Variants in PZP observed in about 807,000 individuals in gnomAD.
PZP encodes the protein pregnancy zone protein.
In PZP, 150 loss-of-function variants were observed where a neutral mutation model predicts 179.8. That is an observed-to-expected ratio of 0.83 (90% CI 0.73 to 0.96). The LOEUF (loss-of-function observed/expected upper bound fraction) is 0.96. PZP is among the 40% of genes least tolerant of loss of function. The pLI is 0.00. For missense variants in PZP, 1,689 were observed against 1,764.0 expected (o/e 0.96, Z 0.76); for synonymous variants, 624 against 652.3 (o/e 0.96, Z 0.66).
At chr12:9,146,821 G>C (rs1224669425), downstream of PZP, among the ~76,000 whole-genome samples, 9 of 152,198 alleles carry the variant, frequency 5.9e-5, no homozygotes, top group African/African-American at 1.9e-4. Flanking sequence ...CAGGCAGCCA[G>C]TCTGTGCTGG....
chr12:9,165,057 C>A, intron 19 of PZP, 82 bp downstream of exon 19: 1 of 1,489,636 alleles, frequency 6.7e-7, no homozygotes, highest in Non-Finnish European at 9.3e-7. Context: ...TATCCTTAGT[C>A]TCAGGAACAG....
At chr12:9,189,924 A>G (rs11049348) in intron 13 of PZP, among the ~76,000 whole-genome samples, 43,510 of 152,104 alleles carry the variant, frequency 0.29, 6,399 homozygotes, top group East Asian at 0.4. Context: ...GAGAAATGCA[A>G]CTCAAAACCA....
intron 15 of PZP, among the ~76,000 whole-genome samples, chr12:9,175,350 A>G (rs901979693): frequency 2.6e-5 from 4 of 152,236 alleles, no homozygotes; most frequent in African/African-American, 4.8e-5. Context: ...ACCCAAAACT[A>G]TAAAGACCCT....
chr12:9,198,015 T>C (rs1943934127), intron 7 of PZP, among the ~76,000 whole-genome samples: 1 of 131,888 alleles, frequency 7.6e-6, no homozygotes, highest in African/African-American at 2.8e-5. Context: ...GAGAATGTGG[T>C]GGTACAGTGC....
At chr12:9,203,337 CTTTTTTTTTT>C (rs528084441) in intron 2 of PZP, among the ~76,000 whole-genome samples, 2 of 114,588 alleles carry the variant, frequency 1.7e-5, no homozygotes, top group South Asian at 2.9e-4. Flanking sequence ...AACTACATTC[CTTTTTTTTTT>C]TTTTTTTTTT....
At chr12:9,173,621 A>G (rs1942152939) in intron 15 of PZP, among the ~76,000 whole-genome samples, 1 of 152,174 alleles carries the variant, frequency 6.6e-6, no homozygotes, top group Admixed American at 6.5e-5. Context: ...AATCAAGTAG[A>G]CACAATCAGA....
intron 13 of PZP, among the ~76,000 whole-genome samples, chr12:9,191,005 T>G (rs969860450): frequency 4.6e-5 from 7 of 152,136 alleles, no homozygotes; most frequent in African/African-American, 1.7e-4. Flanking sequence ...TTAAAATTGT[T>G]TTATGATGAA....
intron 1 of PZP, among the ~76,000 whole-genome samples, chr12:9,204,317 A>G (rs1056620657): frequency 3.3e-5 from 5 of 152,208 alleles, no homozygotes; most frequent in African/African-American, 1.2e-4. Flanking sequence ...ACACAAACAC[A>G]CACACATATA....
At chr12:9,151,357 T>C (rs1486044341) in intron 33 of PZP, among the ~76,000 whole-genome samples, 1 of 152,240 alleles carries the variant, frequency 6.6e-6, no homozygotes, top group African/African-American at 2.4e-5. Context: ...TACACCTTTT[T>C]TCTATTGATT....
At chr12:9,192,813 G>GT in intron 11 of PZP, 74 bp from the exon 12 acceptor site, 1 of 974,604 alleles carries the variant, frequency 1.0e-6, no homozygotes, top group Non-Finnish European at 1.6e-6. Context: ...AAAATGAATA[G>GT]TTACAACGGT....
chr12:9,185,531 G>A (rs1482576530), intron 13 of PZP, among the ~76,000 whole-genome samples: 4 of 152,084 alleles, frequency 2.6e-5, no homozygotes, highest in Non-Finnish European at 4.4e-5. Flanking sequence ...TCATCCATGA[G>A]AACTTCCCCT....
In PZP at chr12:9,158,509, T is replaced by C; in HGVS notation, c.3205A>G (p.Ile1069Val). The C allele has an allele frequency of 1.2e-6, 2 of 1,614,152 alleles. No homozygotes were observed. The highest frequency in any genetic ancestry group is 1.7e-6 in the Non-Finnish European group (2 of 1,180,020). The change falls in exon 26 of 36, where the codon ATT (isoleucine) becomes GTT (valine). Residue 1069 changes from isoleucine to valine, a missense_variant. This residue lies in a region of PZP where 746 missense variants were observed against 749.2 expected (regional missense o/e 1.00). Transcript: ENST00000261336. The part of the protein sequence containing the change: ...RSYIFIDEAH[I>V]TQSLTWLSQM... ...GAGAGCCACGTGAGAGATTGGGTAA[T>C]GTGTGCTTCATCAATGAAGATGTAG...
In PZP at chr12:9,149,130, A is replaced by G. The variant is rs148539040; in HGVS notation, c.4427-136T>C. Reference sequence around the variant, plus strand: ...CAGATGGTAATTATTTTAGGTTTATATGCCATGTGGTCTGTCATGACTAAT... The same window carrying G: ...CAGATGGTAATTATTTTAGGTTTATGTGCCATGTGGTCTGTCATGACTAAT... On this transcript the variant is annotated intron_variant, in intron 35 of 35. Transcript: ENST00000261336. 6.6e-6 allele frequency: 5 copies of G among 758,916 alleles called. No individual in the cohort carries two copies. In the East Asian group the frequency reaches 9.9e-5, roughly 15 times the overall value. The allele number at this position is 758,916 out of a possible 1,614,324, so 47.0% of individuals were successfully genotyped here.
intron 11 of PZP, among the ~76,000 whole-genome samples, chr12:9,193,767 AAAT>A (rs1943589187): frequency 6.6e-6 from 1 of 152,152 alleles, no homozygotes; most frequent in Non-Finnish European, 1.5e-5. Context: ...GACCTGGAAA[AAAT>A]AACATAAAAC....
At chr12:9,154,889 T>G in intron 28 of PZP, 50 bp from the exon 29 acceptor site, 3 of 1,510,876 alleles carry the variant, frequency 2.0e-6, no homozygotes, top group Non-Finnish European at 1.8e-6. Context: ...TAAGTAATTA[T>G]AACTGGTAGA....
chr12:9,151,708 G>A (rs1341244395), intron 32 of PZP, 36 bp from the exon 33 acceptor site: 1 of 1,536,382 alleles, frequency 6.5e-7, no homozygotes, highest in Admixed American at 1.7e-5. Flanking sequence ...TAAAGTTAGA[G>A]AACAGATGTG....
downstream of PZP, among the ~76,000 whole-genome samples, chr12:9,145,756 G>A (rs182854467): frequency 7.2e-5 from 11 of 152,192 alleles, no homozygotes; most frequent in Admixed American, 3.3e-4. Context: ...CTCAGCTTTC[G>A]TTTGTCTGAG....
chr12:9,137,700 T>A, the PZP span, among the ~76,000 whole-genome samples: 3 of 152,106 alleles, frequency 2.0e-5, no homozygotes, highest in Non-Finnish European at 4.4e-5. Context: ...ATTTCTTTCA[T>A]CAATGTTTTT....
the PZP span, among the ~76,000 whole-genome samples, chr12:9,140,435 G>A: frequency 6.6e-6 from 1 of 152,172 alleles, no homozygotes; most frequent in African/African-American, 2.4e-5. Context: ...CTTACCTAAT[G>A]AGAGGCAGAG....
Sources: allele counts gnomAD v4.1 joint callset (sites outside exome capture counted in the v4.1 genomes callset), GRCh38; gene constraint gnomAD v4.1.1; regional missense constraint gnomAD v4.1.1; transcripts MANE v1.5; gene names NCBI Gene and HGNC (gene_info 2026-07-23, HGNC 2026-07-21).